The following CXCL17 variants were observed in gnomAD, a reference collection of about 807,000 sequenced individuals.
CXCL17 encodes the protein C-X-C motif chemokine ligand 17.
Under a neutral mutation model 15.5 loss-of-function variants are expected in CXCL17, and 9 were observed. That is an observed-to-expected ratio of 0.58 (90% CI 0.35 to 1.01). CXCL17 has a LOEUF of 1.01. Among genes scored for constraint, CXCL17 ranks in the 50% least tolerant of loss-of-function variants. The pLI is 0.02. For missense variants in CXCL17, 133 were observed against 138.2 expected, an observed-to-expected ratio of 0.96 and a Z score of 0.19; for synonymous variants, 52 against 52.3, an observed-to-expected ratio of 0.99 and a Z score of 0.02.
In CXCL17 at chr19:42,433,686, G is replaced by A. The variant is rs115392719; in HGVS notation, c.160+90C>T. ...GAGGGGAATGGGTGAGGTCAGCTGA[G>A]ATAACATCTGCATTGGTCTCAGAGG... On this transcript the variant is annotated intron_variant, in intron 2 of 3. Transcript: ENST00000601181. 9.8e-4 allele frequency: 1,065 copies of A among 1,085,236 alleles called. 10 individuals are homozygous for A. In the African/African-American group the frequency reaches 0.014, roughly 15 times the overall value. 67.2% of individuals were successfully genotyped at this position (1,085,236 alleles called of 1,614,324 possible).
chr19:42,442,229 CTTTTT>C (rs10527944), intron 1 of CXCL17, among the ~76,000 whole-genome samples: 1 of 122,102 alleles, frequency 8.2e-6, no homozygotes, highest in Non-Finnish European at 1.7e-5. Context: ...CTTTTCTTTC[CTTTTT>C]TTTTTTTTTT....
At chr19:42,433,901 A>G (rs1174642414) in intron 1 of CXCL17, 45 bp from the exon 2 acceptor site, 1 of 1,446,586 alleles carries the variant, frequency 6.9e-7, no homozygotes, top group Non-Finnish European at 9.7e-7. Flanking sequence ...GAAAGGGCAC[A>G]GAAATGATCC....
rs2040807352 is a variant in CXCL17 at position 42,433,795 on chromosome 19, G to A, written c.141C>T (p.Gly47=). Residue 47 remains glycine, a synonymous_variant, in exon 2 of 4, where the codon GGC becomes GGT. Coordinates refer to ENST00000601181, the MANE Select transcript of CXCL17 (RefSeq NM_198477.3). The part of the protein sequence containing the change: ...QASRRWLQEG[G]QECECKDWFL... ...ACTGACCTTTGCACTCACATTCTTGGCCGCCTTCCTGGAGCCATCTCCTAG... is the reference window on the plus strand; with the variant it reads ...ACTGACCTTTGCACTCACATTCTTGACCGCCTTCCTGGAGCCATCTCCTAG... 3 of 1,613,922 alleles carry A rather than the reference G, an allele frequency of 1.9e-6. No homozygotes were observed. Among genetic ancestry groups the A allele is most frequent in the Non-Finnish European group, 1.7e-6 (2 of 1,179,930 alleles).
chr19:42,442,229 CTTTTTTT>C (rs10527944), intron 1 of CXCL17, among the ~76,000 whole-genome samples: 37 of 122,102 alleles, frequency 3.0e-4, no homozygotes, highest in South Asian at 1.1e-3. Context: ...CTTTTCTTTC[CTTTTTTT>C]TTTTTTTTTT....
At chr19:42,433,731 G>A (rs1187919511) in intron 2 of CXCL17, 45 bp downstream of exon 2, 1 of 1,510,326 alleles carries the variant, frequency 6.6e-7, no homozygotes, top group South Asian at 1.1e-5. Flanking sequence ...GAGAGAGCTG[G>A]GGTCATGGTG....
At chr19:42,442,612 T>A (rs987182773) in intron 1 of CXCL17, 142 bp downstream of exon 1, 2 of 607,594 alleles carry the variant, frequency 3.3e-6, no homozygotes, top group Non-Finnish European at 5.9e-6. Context: ...TTGCTGTTTT[T>A]TTGTAAAGGA....
intron 3 of CXCL17, among the ~76,000 whole-genome samples, chr19:42,429,858 T>A (rs2040759527): frequency 6.6e-6 from 1 of 152,220 alleles, no homozygotes; most frequent in African/African-American, 2.4e-5. Flanking sequence ...CTATACGTAT[T>A]GCCTTAGTCG....
intron 1 of CXCL17, among the ~76,000 whole-genome samples, chr19:42,441,324 AG>A (rs1365158118): frequency 1.3e-5 from 2 of 152,194 alleles, no homozygotes; most frequent in Non-Finnish European, 2.9e-5. Flanking sequence ...GAGGAACTGA[AG>A]GAAGCTGTGG....
chr19:42,431,783 C>CT (rs1324410153), intron 3 of CXCL17, among the ~76,000 whole-genome samples: 4 of 151,742 alleles, frequency 2.6e-5, no homozygotes, highest in Non-Finnish European at 5.9e-5. Context: ...TTACTGGATC[C>CT]TCCTGCCTCA....
chr19:42,441,348 G>C (rs186634293), intron 1 of CXCL17, among the ~76,000 whole-genome samples: 1 of 152,188 alleles, frequency 6.6e-6, no homozygotes, highest in Non-Finnish European at 1.5e-5. Context: ...AGGTGGTTTT[G>C]AGCTGGGTGT....
Position 42,442,736 on chromosome 19 carries a change from A to G in CXCL17, c.79+18T>C, listed in dbSNP as rs747398280. On this transcript the variant is annotated intron_variant, in intron 1 of 3. Transcript: ENST00000601181. ...CATTTCTCCCCCCGTTTTCCCCTTC[A>G]TAGACAGTCTTGTTTACCTGGATTC... The G allele has an allele frequency of 5.0e-6, 8 of 1,591,288 alleles. No individual in the cohort carries two copies. In the Admixed American group the frequency reaches 1.0e-4, roughly 20 times the overall value.
Position 42,442,911 on chromosome 19 carries a change from A to G in CXCL17, c.-79T>C. The G allele has an allele frequency of 1.8e-6, 2 of 1,093,226 alleles. No homozygotes were observed. The highest frequency in any genetic ancestry group is 2.7e-6 in the Non-Finnish European group (2 of 728,870). The allele number at this position is 1,093,226 out of a possible 1,614,324, so 67.7% of individuals were successfully genotyped here. ...TGCTGGAGGCTCCTGATCCCTGGGG[A>G]TGACTCAGGTCAGGATACTCAGCCT... On this transcript the variant is annotated 5_prime_UTR_variant, in exon 1 of 4. Transcript: ENST00000601181.
At chr19:42,438,507 A>G (rs976084998) in intron 1 of CXCL17, among the ~76,000 whole-genome samples, 1 of 150,164 alleles carries the variant, frequency 6.7e-6, no homozygotes, top group African/African-American at 2.5e-5. Context: ...AGATAACAAT[A>G]TTTTTGGACC....
chr19:42,438,410 TACACACAC>T (rs145217809), intron 1 of CXCL17, among the ~76,000 whole-genome samples: 8 of 90,022 alleles, frequency 8.9e-5, no homozygotes, highest in African/African-American at 1.4e-4. Flanking sequence ...ATATATAAAA[TACACACAC>T]ACACACACAC....
intron 1 of CXCL17, 85 bp from the exon 2 acceptor site, chr19:42,433,941 A>T (rs2040809379): frequency 5.3e-6 from 5 of 949,496 alleles, no homozygotes; most frequent in Non-Finnish European, 6.6e-6. Flanking sequence ...AGGTCAGCAC[A>T]GTTCCATTTT....
intron 1 of CXCL17, 84 bp from the exon 2 acceptor site, chr19:42,433,940 C>T (rs1600160199): frequency 2.1e-6 from 2 of 960,774 alleles, no homozygotes; most frequent in Admixed American, 4.3e-5. Context: ...TAGGTCAGCA[C>T]AGTTCCATTT....
chr19:42,441,853 C>T (rs573818135), intron 1 of CXCL17, among the ~76,000 whole-genome samples: 1 of 152,308 alleles, frequency 6.6e-6, no homozygotes, highest in Non-Finnish European at 1.5e-5. Flanking sequence ...AAGCTAAAGT[C>T]GGCTTCCCAA....
In CXCL17 at chr19:42,442,834, G is replaced by A; in HGVS notation, c.-2C>T. 3 of 1,611,650 alleles carry A rather than the reference G, an allele frequency of 1.9e-6. No homozygotes were observed. The highest frequency in any genetic ancestry group is 2.5e-6 in the Non-Finnish European group (3 of 1,177,934). ...GAGGGAAGAGATTAGAACTTTCATC[G>A]CAACTGTCGGTGCAGCTGTAAGTTG... On this transcript the variant is annotated 5_prime_UTR_variant, in exon 1 of 4. Coordinates refer to ENST00000601181, the MANE Select transcript of CXCL17 (RefSeq NM_198477.3).
chr19:42,433,946 C>A (rs2040809411), intron 1 of CXCL17, 90 bp from the exon 2 acceptor site: 1 of 854,474 alleles, frequency 1.2e-6, no homozygotes, highest in Non-Finnish European at 1.9e-6. Context: ...AGCACAGTTC[C>A]ATTTTTCCAT....
Sources: gnomAD v4.1 joint callset for allele counts (sites outside exome capture counted in the v4.1 genomes callset) on GRCh38, gnomAD v4.1.1 for gene constraint, MANE v1.5 for transcripts, NCBI Gene and HGNC (gene_info 2026-07-23, HGNC 2026-07-21) for gene names.